GSK3A: variants seen among roughly 807,000 people sequenced by gnomAD.
GSK3A encodes the protein glycogen synthase kinase-3 alpha.
In GSK3A, 14 loss-of-function variants were observed where a neutral mutation model predicts 56.6. The observed-to-expected ratio is 0.25, with a 90% confidence interval of 0.16 to 0.39. GSK3A has a LOEUF of 0.39. GSK3A is among the 10% of genes least tolerant of loss of function. The pLI is 1.00. For synonymous variants in GSK3A, 301 were observed against 285.0 expected, an observed-to-expected ratio of 1.06 and a Z score of -0.56; for missense variants, 450 against 656.0, an observed-to-expected ratio of 0.69 and a Z score of 3.43.
At chr19:42,236,791 G>T in intron 3 of GSK3A, 67 bp downstream of exon 3, 2 of 1,484,154 alleles carry the variant, frequency 1.3e-6, no homozygotes, top group Non-Finnish European at 9.4e-7. Flanking sequence ...GCAGGGAGCA[G>T]TGGGGGAAAG....
chr19:42,232,969 A>T, intron 8 of GSK3A, 141 bp downstream of exon 8: 1 of 667,582 alleles, frequency 1.5e-6, no homozygotes, highest in Non-Finnish European at 2.6e-6. Flanking sequence ...AAACTTTGAA[A>T]GCGGATGGAT....
Position 42,242,293 on chromosome 19 carries a change from C to A in GSK3A, c.173G>T (p.Gly58Val). Reference protein sequence around the residue: ...GGKASVGAMGGGVGASSSGGG... With the variant: ...GGKASVGAMGVGVGASSSGGG... Reference sequence around the variant, plus strand: ...CCCGGAGCTCGAGGCCCCGACGCCCCCACCCATGGCCCCGACAGATGCCTT... The same window carrying A: ...CCCGGAGCTCGAGGCCCCGACGCCCACACCCATGGCCCCGACAGATGCCTT... The change falls in exon 1 of 11, where the codon GGG becomes GTG. Residue 58 changes from glycine to valine, a missense_variant. By Grantham distance (109) the Gly-to-Val change is moderately radical. This residue lies in a region of GSK3A where 193 missense variants were observed against 200.5 expected (regional missense o/e 0.96). Coordinates refer to ENST00000222330, the MANE Select transcript of GSK3A (RefSeq NM_019884.3). 1 of 1,442,536 alleles carries A rather than the reference C, an allele frequency of 6.9e-7. No individual in the cohort carries two copies. Among genetic ancestry groups the A allele is most frequent in the Non-Finnish European group, 9.1e-7 (1 of 1,104,116 alleles). 89.4% of individuals were successfully genotyped at this position (1,442,536 alleles called of 1,614,324 possible).
At chr19:42,241,199 T>G (rs1233946197) in intron 1 of GSK3A, 1 of 151,974 alleles carries the variant, frequency 6.6e-6, no homozygotes, top group Non-Finnish European at 1.5e-5. Context: ...GTTCCACCAG[T>G]TGGCCAGGCT....
chr19:42,231,025 C>T (rs74259566), intron 10 of GSK3A, among the ~76,000 whole-genome samples, 158 bp from the exon 11 acceptor site: 2 of 152,088 alleles, frequency 1.3e-5, no homozygotes, highest in African/African-American at 4.8e-5. Context: ...TAAAGGGCCA[C>T]GATAGTAACT....
rs1345662972 is a variant in GSK3A at position 42,230,448 on chromosome 19, G to C, written c.*346C>G. 3.1e-6 allele frequency: 1 copy of C among 321,960 alleles called. No homozygotes were observed. The highest frequency in any genetic ancestry group is 5.8e-6 in the Non-Finnish European group (1 of 172,988). The allele number at this position is 321,960 out of a possible 1,614,324, so 19.9% of individuals were successfully genotyped here. ...CACCCGGGGGCCAGGGAAGGGAAGA[G>C]GAGACGGGCTGGGCTGGTTCTATTT... On this transcript the variant is annotated 3_prime_UTR_variant, in exon 11 of 11. Coordinates refer to ENST00000222330, the MANE Select transcript of GSK3A (RefSeq NM_019884.3).
rs905036035 is a variant in GSK3A, at chr19:42,234,495, A to T, written c.798-36T>A. On this transcript the variant is annotated intron_variant, in intron 5 of 10. Coordinates refer to ENST00000222330, the MANE Select transcript of GSK3A (RefSeq NM_019884.3). This position sits in a 1 kb window ranked among gnomAD's most constrained non-coding sequence, Gnocchi z 5.7. ...AGATGGGCAGGGGTACACGTGAGGC[A>T]AGGGTTGGGGTCCCCCCTGCCTCTT... 6.2e-6 allele frequency: 10 copies of T among 1,613,520 alleles called. No individual in the cohort carries two copies. Among genetic ancestry groups the T allele is most frequent in the Non-Finnish European group, 8.5e-6 (10 of 1,179,474 alleles).
At position 42,232,516 on chromosome 19, in the gene GSK3A, A is replaced by G; in HGVS notation, c.1265T>C (p.Leu422Pro). The change falls in exon 9 of 11, where the codon CTC becomes CCC. Residue 422 changes from leucine to proline, a missense_variant. Physicochemically the swap from Leu to Pro is moderately conservative, Grantham distance 98. Around this residue, in one of 3 missense-constraint regions of GSK3A, gnomAD observed 113 missense variants for 147.5 expected, o/e 0.77. Transcript: ENST00000222330. ...QLPNNRPLPP[L>P]FNFSAGELSI... is the part of the protein sequence containing the mutation. ...CTCACCACCAGCACTGAAGTTGAAG[A>G]GAGGGGGAAGTGGGCGGTTGTTAGG... 6.2e-7 allele frequency: 1 copy of G among 1,614,080 alleles called. No homozygotes were observed. Among genetic ancestry groups the G allele is most frequent in the Non-Finnish European group, 8.5e-7 (1 of 1,179,996 alleles).
chr19:42,237,706 TCTCTACTAAAAA>T (rs1721989867), intron 2 of GSK3A, among the ~76,000 whole-genome samples: 1 of 149,204 alleles, frequency 6.7e-6, no homozygotes, highest in Admixed American at 6.7e-5. Context: ...TGAAACCCTG[TCTCTACTAAAAA>T]TACAAAAAAA....
intron 10 of GSK3A, 135 bp from the exon 11 acceptor site, chr19:42,231,002 C>T (rs1012740034): frequency 4.3e-6 from 3 of 700,224 alleles, no homozygotes; most frequent in African/African-American, 3.5e-5. Flanking sequence ...TGAAGGGTTG[C>T]AAACTCAAGT....
At chr19:42,239,870 C>G in intron 2 of GSK3A, 85 bp downstream of exon 2, 1 of 1,148,258 alleles carries the variant, frequency 8.7e-7, no homozygotes, top group Non-Finnish European at 1.3e-6. Flanking sequence ...GCTCTGAAAC[C>G]CAAGCCTCCA....
chr19:42,242,329 G>C lies in GSK3A; in HGVS notation c.137C>G (p.Thr46Ser), dbSNP rs1394889426. 7.0e-7 allele frequency: 1 copy of C among 1,430,762 alleles called. No homozygotes were observed. Among genetic ancestry groups the C allele is most frequent in the Non-Finnish European group, 9.1e-7 (1 of 1,097,572 alleles). 88.6% of individuals were successfully genotyped at this position (1,430,762 alleles called of 1,614,324 possible). Residue 46 changes from threonine (T) to serine (S), a missense_variant, in exon 1 of 11, where the codon ACC becomes AGC. This residue lies in a region of GSK3A where 193 missense variants were observed against 200.5 expected (regional missense o/e 0.96). Coordinates refer to ENST00000222330, the MANE Select transcript of GSK3A (RefSeq NM_019884.3). Reference sequence around the variant, plus strand: ...CCCGACAGATGCCTTTCCGCCGCCGGTGCCGCCTGGGCCGGAGGCCGAGCC... The same window carrying C: ...CCCGACAGATGCCTTTCCGCCGCCGCTGCCGCCTGGGCCGGAGGCCGAGCC... ...PGGSASGPGG[T>S]GGGKASVGAM...
intron 9 of GSK3A, 136 bp downstream of exon 9, chr19:42,232,360 T>C: frequency 2.5e-6 from 2 of 788,328 alleles, no homozygotes; most frequent in Non-Finnish European, 4.2e-6. Flanking sequence ...AATCTGGGAG[T>C]CATCTTTCCT....
At chr19:42,239,903 AC>A in intron 2 of GSK3A, 51 bp downstream of exon 2, 1 of 1,481,820 alleles carries the variant, frequency 6.7e-7, no homozygotes, top group South Asian at 1.2e-5. Context: ...AGGTTCTCCC[AC>A]CAGTCACACC....
chr19:42,234,778 C>T lies in GSK3A; in HGVS notation c.667-100G>A. 8.2e-7 allele frequency: 1 copy of T among 1,219,214 alleles called. No individual in the cohort carries two copies. The highest frequency in any genetic ancestry group is 1.5e-5 in the African/African-American group (1 of 65,728). 75.5% of individuals were successfully genotyped at this position (1,219,214 alleles called of 1,614,324 possible). ...TGAAGAGCCCTTCCAGGCCCACTCT[C>T]CCTGCTGCCCCCACAGCTTTGGGGA... is the stretch of plus-strand genomic sequence containing the variant. On this transcript the variant is annotated intron_variant, in intron 4 of 10. Transcript: ENST00000222330. The surrounding 1 kb of genome is among the most constrained non-coding windows in gnomAD (Gnocchi z 5.7).
intron 2 of GSK3A, among the ~76,000 whole-genome samples, chr19:42,238,968 CA>C (rs879595150): frequency 5.8e-4 from 84 of 144,226 alleles, no homozygotes; most frequent in Admixed American, 4.8e-4. Context: ...GACTCCATCT[CA>C]AAAAAAAAAA....
intron 1 of GSK3A, 87 bp downstream of exon 1, chr19:42,242,096 A>G (rs2146941072): frequency 4.2e-6 from 5 of 1,182,444 alleles, no homozygotes; most frequent in Middle Eastern, 2.5e-4. Flanking sequence ...TCGAGCTCCT[A>G]TCTAAGCACA....
intron 2 of GSK3A, among the ~76,000 whole-genome samples, chr19:42,239,679 G>C (rs2036279618): frequency 6.6e-6 from 1 of 152,172 alleles, no homozygotes; most frequent in South Asian, 2.1e-4. Context: ...CTTACACTTA[G>C]AATGGGTATA....
rs1262158823 is a variant in GSK3A at position 42,232,593 on chromosome 19, C to T, written c.1188G>A (p.Glu396=). Residue 396 remains glutamate, a synonymous_variant, in exon 9 of 11, where the codon GAG becomes GAA. Transcript: ENST00000222330. ...YTPSSRLSPL[E]ACAHSFFDEL... ...CATCAAAGAAGCTGTGCGCACAGGC[C>T]TCTAGTGGGGAGAGCCTTGAGGATG... The T allele has an allele frequency of 6.8e-6, 11 of 1,614,036 alleles. No homozygotes were observed. The highest frequency in any genetic ancestry group is 9.3e-6 in the Non-Finnish European group (11 of 1,179,940).
chr19:42,231,659 A>G (rs1180485965), intron 10 of GSK3A, among the ~76,000 whole-genome samples: 1 of 150,292 alleles, frequency 6.7e-6, no homozygotes, highest in Non-Finnish European at 1.5e-5. Context: ...CTGTAATCCC[A>G]GCTACTCGGA....
Sources: gnomAD v4.1 joint callset for allele counts (sites outside exome capture counted in the v4.1 genomes callset) on GRCh38, gnomAD v4.1.1 for gene constraint, gnomAD v4.1.1 regional missense constraint, Gnocchi (gnomAD v3.1) non-coding constraint, MANE v1.5 for transcripts, NCBI Gene and HGNC (gene_info 2026-07-23, HGNC 2026-07-21) for gene names.